The following IFT172 variants were observed in gnomAD, a reference collection of about 807,000 sequenced individuals.
IFT172 encodes the protein intraflagellar transport protein 172 homolog.
In IFT172, 164 loss-of-function variants were observed where a neutral mutation model predicts 248.9. The ratio of observed to expected loss-of-function variants is 0.66; its 90% CI spans 0.58 to 0.75. IFT172 has a LOEUF of 0.75. Among genes scored for constraint, IFT172 ranks in the 30% least tolerant of loss-of-function variants. The probability of loss-of-function intolerance (pLI) is 0.00; values close to 1 mark genes in which losing one functional copy is unlikely to be tolerated. For missense variants in IFT172, 1,950 were observed against 2,192.4 expected (o/e 0.89, Z 2.21); for synonymous variants, 729 against 791.6 (o/e 0.92, Z 1.33).
In IFT172 at chr2:27,453,683, C is replaced by T; in HGVS notation, c.3768G>A (p.Gln1256=). ...CATATTCTTCCTGCAGAGCCTCCAG[C>T]TGGCTGGGCACATAGTCCTTGCAGA... is the stretch of plus-strand genomic sequence containing the variant. ...LRICKDYVPS[Q]LEALQEEYER... Residue 1256 remains glutamine (Q), a synonymous_variant, in exon 34 of 48, where the codon CAG becomes CAA. Transcript: ENST00000260570. 1 of 1,612,456 alleles carries T rather than the reference C, an allele frequency of 6.2e-7. No individual in the cohort carries two copies. Among genetic ancestry groups the T allele is most frequent in the Non-Finnish European group, 8.5e-7 (1 of 1,179,540 alleles).
At position 27,444,478 on chromosome 2, in the gene IFT172, C is replaced by T. The variant is rs1238875084; in HGVS notation, c.5204G>A (p.Ser1735Asn). 2 of 1,613,712 alleles carry T rather than the reference C, an allele frequency of 1.2e-6. No individual in the cohort carries two copies. Among genetic ancestry groups the T allele is most frequent in the East Asian group, 2.2e-5 (1 of 44,882 alleles). Residue 1735 changes from serine to asparagine, a missense_variant, in exon 48 of 48, where the codon AGT (serine) becomes AAT (asparagine). By Grantham distance (46) the Ser-to-Asn change is conservative. Transcript: ENST00000260570. ...GCTGGGGAGCCCTCCACACCACTGA[C>T]TGATGAATTTCAGCACGTCCTGGCA... is the stretch of plus-strand genomic sequence containing the variant. ...PVCQDVLKFISQWCGGLPSTS... is the reference protein window; with the variant it reads ...PVCQDVLKFINQWCGGLPSTS...
At chr2:27,488,287 G>A (rs189072381) in intron 1 of IFT172, among the ~76,000 whole-genome samples, 1 of 152,148 alleles carries the variant, frequency 6.6e-6, no homozygotes, top group Admixed American at 6.5e-5. Context: ...CTGAGTAGCT[G>A]GGATTACAGG....
chr2:27,462,006 C>T (rs924021874), intron 20 of IFT172, among the ~76,000 whole-genome samples, 170 bp from the exon 21 acceptor site: 2 of 152,148 alleles, frequency 1.3e-5, no homozygotes, highest in Non-Finnish European at 2.9e-5. Flanking sequence ...CTTCAGGGCT[C>T]CTTATTTGCA....
chr2:27,458,364 G>T, intron 26 of IFT172, 141 bp from the exon 27 acceptor site: 1 of 700,734 alleles, frequency 1.4e-6, no homozygotes, highest in Non-Finnish European at 2.5e-6. Flanking sequence ...TAGTGAGGTT[G>T]GGGAATTCCA....
Position 27,450,097 on chromosome 2 carries a change from C to T in IFT172, c.3952-1G>A. 1 of 1,611,426 alleles carries T rather than the reference C, an allele frequency of 6.2e-7. No individual in the cohort carries two copies. Among genetic ancestry groups the T allele is most frequent in the Non-Finnish European group, 8.5e-7 (1 of 1,177,556 alleles). Reference sequence around the variant, plus strand: ...GAAACTTGATGGAGAGTTCAGCTGCCTGAGTGGTTGAACAGAAGATGGAAA... The same window carrying T: ...GAAACTTGATGGAGAGTTCAGCTGCTTGAGTGGTTGAACAGAAGATGGAAA... On this transcript the variant is annotated splice_acceptor_variant, in intron 35 of 47. Transcript: ENST00000260570. LOFTEE classifies it high-confidence loss of function.
At chr2:27,475,764 C>T (rs1463811399) in intron 14 of IFT172, among the ~76,000 whole-genome samples, 1 of 148,946 alleles carries the variant, frequency 6.7e-6, no homozygotes, top group Non-Finnish European at 1.5e-5. Context: ...TGGTTTGACT[C>T]TAGAGTCCCA....
At position 27,459,773 on chromosome 2, in the gene IFT172, A is replaced by T; in HGVS notation, c.2578T>A (p.Trp860Arg). The stretch of plus-strand genomic sequence containing the variant: ...TTCTGCTGCACCAGGTGGTCCCCCC[A>T]TGCCTCCTCTAGTTTCACCACCTCC... ...PVEVVKLEEA[W>R]GDHLVQQKQL... Residue 860 changes from tryptophan (W) to arginine (R), a missense_variant, in exon 24 of 48, where the codon TGG (tryptophan) becomes AGG (arginine). Physicochemically the swap from Trp to Arg is moderately radical, Grantham distance 101. This residue lies in a region of IFT172 where 1,166 missense variants were observed against 1,254.1 expected (regional missense o/e 0.93). Transcript: ENST00000260570. 6.2e-7 allele frequency: 1 copy of T among 1,613,012 alleles called. No homozygotes were observed. Among genetic ancestry groups the T allele is most frequent in the Non-Finnish European group, 8.5e-7 (1 of 1,180,028 alleles).
At chr2:27,488,877 A>T (rs1668955308) in intron 1 of IFT172, among the ~76,000 whole-genome samples, 1 of 152,204 alleles carries the variant, frequency 6.6e-6, no homozygotes, top group South Asian at 2.1e-4. Context: ...ACAAAAACAA[A>T]CAAAGAAACA....
intron 16 of IFT172, 92 bp downstream of exon 16, chr2:27,470,827 AGGGTGGTGG>A (rs1667508986): frequency 8.8e-7 from 1 of 1,140,160 alleles, no homozygotes; most frequent in Non-Finnish European, 1.2e-6. Context: ...ACAGAGATTA[AGGGTGGTGG>A]ACACAGAAAA....
At chr2:27,459,565 G>A (rs1666466661) in intron 24 of IFT172, 43 bp from the exon 25 acceptor site, 1 of 1,610,348 alleles carries the variant, frequency 6.2e-7, no homozygotes, top group African/African-American at 1.3e-5. Flanking sequence ...GATGAAAGAT[G>A]AAGATGAATG....
intron 14 of IFT172, chr2:27,475,673 T>TA (rs1223575580): frequency 1.3e-5 from 2 of 152,220 alleles, no homozygotes; most frequent in African/African-American, 4.8e-5. Context: ...GTACTATTTT[T>TA]ATCCCTATTT....
At chr2:27,476,839 T>A in intron 13 of IFT172, 113 bp from the exon 14 acceptor site, 1 of 669,106 alleles carries the variant, frequency 1.5e-6, no homozygotes, top group Non-Finnish European at 2.6e-6. Context: ...TTATTTATTT[T>A]GAGACAGGGT....
In IFT172 at chr2:27,483,153, G is replaced by A. The variant is rs542923664; in HGVS notation, c.570+136C>T. The A allele has an allele frequency of 4.1e-5, 25 of 616,454 alleles. No individual in the cohort carries two copies. The East Asian group carries it at 6.1e-4, about 15-fold the overall frequency. The allele number at this position is 616,454 out of a possible 1,614,324, so 38.2% of individuals were successfully genotyped here. A position where few individuals can be genotyped will look rare whatever the true frequency, so the allele number is the denominator to read the frequency against. ...TGAGTAGCTGGGACTACAGGCCCAT[G>A]CCACCATGCCCGACTAATTTTTGTA... On this transcript the variant is annotated intron_variant, in intron 7 of 47. Coordinates refer to ENST00000260570, the MANE Select transcript of IFT172 (RefSeq NM_015662.3).
rs1254709310 is a variant in IFT172, at chr2:27,462,731, G to A, written c.2085C>T (p.Tyr695=). The A allele has an allele frequency of 1.2e-6, 2 of 1,613,844 alleles. No individual in the cohort carries two copies. The highest frequency in any genetic ancestry group is 1.7e-6 in the Non-Finnish European group (2 of 1,179,910). Residue 695 remains tyrosine, a synonymous_variant, in exon 20 of 48, where the codon TAC becomes TAT. Transcript: ENST00000260570. Reference sequence around the variant, plus strand: ...CCAAAAAGATCATTTCAGCCAGTTTGTAGTTCTTTTCCAGCATGGCTAGAC... The same window carrying A: ...CCAAAAAGATCATTTCAGCCAGTTTATAGTTCTTTTCCAGCATGGCTAGAC... ...RARLAMLEKN[Y]KLAEMIFLEQ... is the part of the protein sequence containing the mutation.
intron 10 of IFT172, among the ~76,000 whole-genome samples, chr2:27,478,824 A>C (rs1038994530): frequency 6.6e-6 from 1 of 152,224 alleles, no homozygotes; most frequent in Non-Finnish European, 1.5e-5. Flanking sequence ...AAGTGGGCCC[A>C]GGAACTGAGA....
intron 16 of IFT172, among the ~76,000 whole-genome samples, chr2:27,469,967 AACTT>A (rs1188309176): frequency 6.6e-6 from 1 of 152,258 alleles, no homozygotes. Context: ...GATGCTGATT[AACTT>A]TAGACTTTGT....
At position 27,445,140 on chromosome 2, in the gene IFT172, G is replaced by A. The variant is rs1162348400; in HGVS notation, c.5069-35C>T. On this transcript the variant is annotated intron_variant, in intron 46 of 47. Transcript: ENST00000260570. This position sits in a 1 kb window ranked among gnomAD's most constrained non-coding sequence, Gnocchi z 4.4. The stretch of plus-strand genomic sequence containing the variant: ...AAGAAAAAATGATGAACTGGGGTTT[G>A]AGAGAGATTGAGGAGGGAAAAATGA... 6.2e-7 allele frequency: 1 copy of A among 1,611,958 alleles called. No homozygotes were observed. The highest frequency in any genetic ancestry group is 1.1e-5 in the South Asian group (1 of 90,794).
At chr2:27,452,002 T>C (rs1459778997) in intron 35 of IFT172, among the ~76,000 whole-genome samples, 2 of 151,766 alleles carry the variant, frequency 1.3e-5, no homozygotes, top group Non-Finnish European at 2.9e-5. Context: ...TATATATATA[T>C]ATATATGTTA....
Position 27,489,473 on chromosome 2 carries a change from C to A in IFT172, c.39+142G>T, listed in dbSNP as rs999630317. The A allele has an allele frequency of 4.8e-6, 3 of 626,524 alleles. No individual in the cohort carries two copies. The African/African-American group carries it at 5.6e-5, about 12-fold the overall frequency. 38.8% of individuals were successfully genotyped at this position (626,524 alleles called of 1,614,324 possible). On this transcript the variant is annotated intron_variant, in intron 1 of 47. Coordinates refer to ENST00000260570, the MANE Select transcript of IFT172 (RefSeq NM_015662.3). Reference sequence around the variant, plus strand: ...GCATCTCGCCTCCTGGACGCTGTATCGACAGGCCAAGATCCAGATCATCGC... The same window carrying A: ...GCATCTCGCCTCCTGGACGCTGTATAGACAGGCCAAGATCCAGATCATCGC...
Sources: gnomAD v4.1 joint callset for allele counts (sites outside exome capture counted in the v4.1 genomes callset) on GRCh38, gnomAD v4.1.1 for gene constraint, gnomAD v4.1.1 regional missense constraint, Gnocchi (gnomAD v3.1) non-coding constraint, MANE v1.5 for transcripts, NCBI Gene and HGNC (gene_info 2026-07-23, HGNC 2026-07-21) for gene names.